Variants in HYAL1 observed in about 807,000 individuals in gnomAD.
The protein encoded by HYAL1 is hyaluronidase 1, also known as hyaluronidase-1.
A neutral mutation model predicts 28.8 loss-of-function variants in HYAL1; 21 were observed. The observed-to-expected ratio is 0.73, with a 90% CI of 0.52 to 1.05. HYAL1 has a LOEUF of 1.05. HYAL1 is among the 50% of genes least tolerant of loss of function. The pLI is 0.00. For synonymous variants in HYAL1, 200 were observed against 230.1 expected (o/e 0.87, Z 1.18); for missense variants, 491 against 579.2 (o/e 0.85, Z 1.56).
At chr3:50,304,250 G>C, upstream of HYAL1, 1 of 118,882 alleles carries the variant, frequency 8.4e-6, no homozygotes, top group South Asian at 3.4e-4. Flanking sequence ...ACTCCAGCCT[G>C]GGTGACAGAG....
intron 1 of HYAL1, among the ~76,000 whole-genome samples, chr3:50,311,796 G>C (rs1702466369): frequency 6.9e-6 from 1 of 145,194 alleles, no homozygotes; most frequent in Non-Finnish European, 1.5e-5. Context: ...GGGGTGGCCG[G>C]GCAGAGGCGC....
At chr3:50,307,446 C>T (rs1232021878), upstream of HYAL1, among the ~76,000 whole-genome samples, 5 of 150,362 alleles carry the variant, frequency 3.3e-5, no homozygotes, top group East Asian at 1.9e-4. Flanking sequence ...TTTGGGAGGC[C>T]GAGGCGGGCG....
upstream of HYAL1, among the ~76,000 whole-genome samples, chr3:50,308,218 C>A (rs587730731): frequency 1.3e-5 from 2 of 151,440 alleles, 1 homozygote; most frequent in African/African-American, 4.9e-5. Context: ...CCTCTGCCTC[C>A]TGGGTTCAAG....
At position 50,302,061 on chromosome 3, in the gene HYAL1, G is replaced by C; in HGVS notation, c.896C>G (p.Pro299Arg). The change falls in exon 2 of 4, where the codon CCC becomes CGC. Residue 299 changes from proline (P) to arginine (R), a missense_variant. By Grantham distance (103) the Pro-to-Arg change is moderately radical (BLOSUM62 -2). Transcript: ENST00000395144. The surrounding 1 kb of genome is among the most constrained non-coding windows in gnomAD (Gnocchi z 5.0). ...GGCAGGTTACAGAAGACTCACCAGG[G>C]GCAGAAAGTGGTTTGTCGTGTCATA... is the stretch of plus-strand genomic sequence containing the variant. Reference protein sequence around the residue: ...IFYDTTNHFLPLDELEHSLGE... With the variant: ...IFYDTTNHFLRLDELEHSLGE... 29 of 1,614,204 alleles carry C rather than the reference G, an allele frequency of 1.8e-5. No individual in the cohort carries two copies. The highest frequency in any genetic ancestry group is 2.5e-5 in the Non-Finnish European group (29 of 1,180,034).
chr3:50,311,599 G>A (rs1324680347), intron 1 of HYAL1, among the ~76,000 whole-genome samples: 1 of 139,114 alleles, frequency 7.2e-6, no homozygotes, highest in Non-Finnish European at 1.6e-5. Flanking sequence ...CTCCCGGACG[G>A]GGCGGCTGGC....
intron 1 of HYAL1, among the ~76,000 whole-genome samples, chr3:50,311,288 CGGACGGGGCGGCT>C (rs1575524385): frequency 1.4e-5 from 2 of 139,232 alleles, no homozygotes; most frequent in Admixed American, 7.0e-5. Flanking sequence ...ACCTCCTTCC[CGGACGGGGCGGCT>C]GGCCGGGCGG....
At position 50,302,969 on chromosome 3, in the gene HYAL1, G is replaced by C. The variant is rs1702233567; in HGVS notation, c.-13C>G. The C allele has an allele frequency of 6.5e-7, 1 of 1,545,198 alleles. No individual in the cohort carries two copies. Among genetic ancestry groups the C allele is most frequent in the Non-Finnish European group, 8.7e-7 (1 of 1,144,202 alleles). ...GGTGGGCTGCCATGGCACGGGACTG[G>C]TCGAGGACAACCTGGCCAGGGGAGG... On this transcript the variant is annotated 5_prime_UTR_variant, in exon 2 of 4. Coordinates refer to ENST00000395144, the MANE Select transcript of HYAL1 (RefSeq NM_033159.4). This position sits in a 1 kb window ranked among gnomAD's most constrained non-coding sequence, Gnocchi z 5.0.
rs782749500 is a variant in HYAL1 at position 50,302,837 on chromosome 3, G to C, written c.120C>G (p.Thr40=). ...RPFTTVWNAN[T]QWCLERHGVD... is the part of the protein sequence containing the mutation. ...CACCGTGCCTCTCCAGGCACCACTG[G>C]GTGTTTGCATTCCAGACGGTGGTGA... The change falls in exon 2 of 4, where the codon ACC becomes ACG. Residue 40 remains threonine (T), a synonymous_variant. Transcript: ENST00000395144. This position sits in a 1 kb window ranked among gnomAD's most constrained non-coding sequence, Gnocchi z 5.0. The C allele has an allele frequency of 1.9e-6, 3 of 1,614,094 alleles. No individual in the cohort carries two copies. The highest frequency in any genetic ancestry group is 1.7e-5 in the Admixed American group (1 of 60,030).
chr3:50,308,530 C>G (rs1553714335), upstream of HYAL1, among the ~76,000 whole-genome samples: 2 of 150,722 alleles, frequency 1.3e-5, no homozygotes, highest in African/African-American at 5.0e-5. Context: ...TCACTGCAAG[C>G]TCCACCTCCC....
rs1553713187 is a variant in HYAL1 at position 50,302,382 on chromosome 3, G to T, written c.575C>A (p.Ala192Glu). The change falls in exon 2 of 4, where the codon GCA becomes GAA. Residue 192 changes from alanine (A) to glutamate (E), a missense_variant. By Grantham distance (107) the Ala-to-Glu change is moderately radical. Coordinates refer to ENST00000395144, the MANE Select transcript of HYAL1 (RefSeq NM_033159.4). This position sits in a 1 kb window ranked among gnomAD's most constrained non-coding sequence, Gnocchi z 5.0. Reference protein sequence around the residue: ...WMAGTLQLGRALRPRGLWGFY... With the variant: ...WMAGTLQLGRELRPRGLWGFY... ...GCCCCAGAGGCCGCGAGGACGCAGT[G>T]CCCGCCCCAGCTGGAGGGTGCCTGC... 1 of 1,613,784 alleles carries T rather than the reference G, an allele frequency of 6.2e-7. No homozygotes were observed. Among genetic ancestry groups the T allele is most frequent in the Non-Finnish European group, 8.5e-7 (1 of 1,179,972 alleles).
At chr3:50,301,567 G>C (rs1400115664) in intron 2 of HYAL1, among the ~76,000 whole-genome samples, 6 of 146,810 alleles carry the variant, frequency 4.1e-5, no homozygotes, top group African/African-American at 7.6e-5. Flanking sequence ...CAGGAGCTGA[G>C]ATCTTGCCCC....
At chr3:50,303,091 T>G (rs587704044) in intron 1 of HYAL1, 111 bp from the exon 2 acceptor site, 1 of 848,074 alleles carries the variant, frequency 1.2e-6, no homozygotes, top group African/African-American at 1.7e-5. Flanking sequence ...CTCTGGTTTC[T>G]GTTAAACATT....
In HYAL1 at chr3:50,302,895, C is replaced by T. The variant is rs1702230087; in HGVS notation, c.62G>A (p.Gly21Asp). The T allele has an allele frequency of 6.2e-7, 1 of 1,609,468 alleles. No homozygotes were observed. The highest frequency in any genetic ancestry group is 1.3e-5 in the African/African-American group (1 of 74,798). ...GTTGGGTAGCAAGGGGCCCCTAAAGCCTTGGGCCATATCGAGTAAGGTCAG... is the reference window on the plus strand; with the variant it reads ...GTTGGGTAGCAAGGGGCCCCTAAAGTCTTGGGCCATATCGAGTAAGGTCAG... Reference protein sequence around the residue: ...LFLTLLDMAQGFRGPLLPNRP... With the variant: ...LFLTLLDMAQDFRGPLLPNRP... The change falls in exon 2 of 4, where the codon GGC becomes GAC. Residue 21 changes from glycine (G) to aspartate (D), a missense_variant. Gly to Asp is a moderately conservative substitution (Grantham distance 94, BLOSUM62 -1). Transcript: ENST00000395144. The surrounding 1 kb of genome is among the most constrained non-coding windows in gnomAD (Gnocchi z 5.0).
chr3:50,301,131 C>A (rs1257046119), intron 2 of HYAL1, 54 bp from the exon 3 acceptor site: 3 of 1,192,596 alleles, frequency 2.5e-6, no homozygotes, highest in Non-Finnish European at 3.7e-6. Context: ...ATGTGGCAGA[C>A]TGCTGGAACA....
intron 1 of HYAL1, among the ~76,000 whole-genome samples, chr3:50,310,818 C>T (rs1328641852): frequency 6.6e-6 from 1 of 150,478 alleles, no homozygotes; most frequent in South Asian, 2.1e-4. Context: ...GAGCATGCTG[C>T]CTTCAAGCGT....
At chr3:50,309,279 C>G (rs1243712490) in intron 2 of HYAL1, among the ~76,000 whole-genome samples, 1 of 149,736 alleles carries the variant, frequency 6.7e-6, no homozygotes, top group East Asian at 2.0e-4. Context: ...GCCTGGCCAA[C>G]ATGGCAAAAC....
rs1334056019 is a variant in HYAL1 at position 50,300,103 on chromosome 3, C to A, written c.*380G>T. 1 of 316,382 alleles carries A rather than the reference C, an allele frequency of 3.2e-6. No homozygotes were observed. The highest frequency in any genetic ancestry group is 2.1e-5 in the African/African-American group (1 of 46,732). The allele number at this position is 316,382 out of a possible 1,614,324, so 19.6% of individuals were successfully genotyped here. A position where few individuals can be genotyped will look rare whatever the true frequency, so the allele number is the denominator to read the frequency against. ...TGTGAGTGACTCAGTTTCCTCATAG[C>A]CTCATTGTGAGGAATGAATAAGTCC... On this transcript the variant is annotated 3_prime_UTR_variant, in exon 4 of 4. Transcript: ENST00000395144.
At chr3:50,311,149 G>A (rs1305540639) in intron 1 of HYAL1, among the ~76,000 whole-genome samples, 3 of 151,810 alleles carry the variant, frequency 2.0e-5, no homozygotes, top group African/African-American at 4.8e-5. Context: ...GCCGGGCAGA[G>A]GGGCTCCTCA....
chr3:50,301,017 A>G lies in HYAL1; in HGVS notation c.961T>C (p.Trp321Arg). 6.3e-7 allele frequency: 1 copy of G among 1,579,886 alleles called. No homozygotes were observed. Among genetic ancestry groups the G allele is most frequent in the Non-Finnish European group, 8.6e-7 (1 of 1,167,788 alleles). Residue 321 changes from tryptophan to arginine, a missense_variant, in exon 3 of 4, where the codon TGG becomes CGG. By Grantham distance (101) the Trp-to-Arg change is moderately radical (BLOSUM62 -3). Transcript: ENST00000395144. ...GTTCTTGTATTTTCCCAGCTCACCC[A>G]GAGCACCACTCCAGCTGCCCCCTGG... Reference protein sequence around the residue: ...AAQGAAGVVLWVSWENTRTKE... With the variant: ...AAQGAAGVVLRVSWENTRTKE...
Sources: allele counts gnomAD v4.1 joint callset (sites outside exome capture counted in the v4.1 genomes callset), GRCh38; gene constraint gnomAD v4.1.1; non-coding constraint Gnocchi (gnomAD v3.1); transcripts MANE v1.5; gene names NCBI Gene and HGNC (gene_info 2026-07-23, HGNC 2026-07-21).